Variants in RBFOX1 observed in about 807,000 individuals in gnomAD.
RBFOX1 encodes the protein RNA binding fox-1 homolog 1, also known as RNA binding protein fox-1 homolog 1.
A neutral mutation model predicts 57.7 loss-of-function variants in RBFOX1; 8 were observed. The ratio of observed to expected loss-of-function variants is 0.14; its 90% confidence interval spans 0.08 to 0.25. The LOEUF is 0.25. Among genes scored for constraint, RBFOX1 ranks in the 10% least tolerant of loss-of-function variants. The pLI is 1.00. For missense variants in RBFOX1, 611 were observed against 548.5 expected, an observed-to-expected ratio of 1.11 and a Z score of -1.14; for synonymous variants, 326 against 222.4, an observed-to-expected ratio of 1.47 and a Z score of -4.15.
chr16:6,624,143 A>G (rs188245550), intron 2 of RBFOX1, among the ~76,000 whole-genome samples: 67 of 152,336 alleles, frequency 4.4e-4, no homozygotes, highest in Non-Finnish European at 8.5e-4. Context: ...AAATATAAGT[A>G]TGCAAAGGAA....
In RBFOX1 at chr16:7,504,585, A is replaced by G. The variant is rs2072142775; in HGVS notation, c.28-13562A>G. ...AAAGGAAAGGACCTCATTGTTGCCG[A>G]AAGACTTAGATATGAGGTCTGGATT... On this transcript the variant is annotated intron_variant, in intron 4 of 15. Transcript: ENST00000550418. 2.7e-5 allele frequency among the ~76,000 whole-genome samples: 4 copies of G among 149,436 alleles called. No homozygotes were observed. In the South Asian group the frequency reaches 8.4e-4, roughly 31 times the overall value.
chr16:6,957,718 A>G (rs1027707801), intron 3 of RBFOX1, among the ~76,000 whole-genome samples: 5 of 152,182 alleles, frequency 3.3e-5, no homozygotes, highest in Admixed American at 1.3e-4. Flanking sequence ...TCTCAGCGTC[A>G]TTTTACCCAG....
At chr16:5,570,882 AGTTACTTGG>A (rs2046259691) in intron 2 of RBFOX1, among the ~76,000 whole-genome samples, 1 of 151,934 alleles carries the variant, frequency 6.6e-6, no homozygotes, top group Non-Finnish European at 1.5e-5. Context: ...ACACTTATTA[AGTTACTTGG>A]AGATCTTTAG....
chr16:7,336,555 G>A (rs2096791870), intron 4 of RBFOX1, among the ~76,000 whole-genome samples: 1 of 152,218 alleles, frequency 6.6e-6, no homozygotes, highest in Non-Finnish European at 1.5e-5. Flanking sequence ...GACAGTCATA[G>A]CCACTGAACT....
chr16:6,917,977 T>A (rs529123244), intron 3 of RBFOX1, among the ~76,000 whole-genome samples: 1 of 152,228 alleles, frequency 6.6e-6, no homozygotes, highest in Non-Finnish European at 1.5e-5. Context: ...GAGAGCCACT[T>A]ACGAATTTGT....
chr16:6,354,140 A>T (rs548004927), intron 2 of RBFOX1, among the ~76,000 whole-genome samples: 1 of 151,902 alleles, frequency 6.6e-6, no homozygotes, highest in East Asian at 1.9e-4. Flanking sequence ...GGATCGCTTG[A>T]ACTCAGGAGG....
chr16:6,555,495 C>T (rs563947800), intron 2 of RBFOX1, among the ~76,000 whole-genome samples: 3 of 152,054 alleles, frequency 2.0e-5, no homozygotes, highest in South Asian at 2.1e-4. Flanking sequence ...GTCAGGAGAT[C>T]GAGACCATCC....
At chr16:7,200,621 G>T (rs983616246) in intron 4 of RBFOX1, among the ~76,000 whole-genome samples, 1 of 152,126 alleles carries the variant, frequency 6.6e-6, no homozygotes, top group African/African-American at 2.4e-5. Context: ...ATCCCTTTAT[G>T]CCTTCTTTTA....
intron 3 of RBFOX1, among the ~76,000 whole-genome samples, chr16:6,728,235 C>A (rs1477089633): frequency 6.6e-6 from 1 of 152,208 alleles, no homozygotes; most frequent in Non-Finnish European, 1.5e-5. Context: ...TTCTGCAGGA[C>A]TGCTATATTG....
At chr16:7,534,212 G>C (rs1036069238) in intron 5 of RBFOX1, among the ~76,000 whole-genome samples, 1 of 150,376 alleles carries the variant, frequency 6.6e-6, no homozygotes, top group Non-Finnish European at 1.5e-5. Flanking sequence ...TCAGCCTCCT[G>C]AATAGCTGGG....
At chr16:7,482,085 A>G (rs1387930971) in intron 4 of RBFOX1, among the ~76,000 whole-genome samples, 2 of 152,244 alleles carry the variant, frequency 1.3e-5, no homozygotes, top group African/African-American at 4.8e-5. Flanking sequence ...ACACCTAGCA[A>G]GGGCTAGTGA....
intron 3 of RBFOX1, among the ~76,000 whole-genome samples, chr16:6,687,714 C>T (rs149969362): frequency 2.0e-3 from 306 of 152,158 alleles, no homozygotes; most frequent in African/African-American, 6.7e-3. Context: ...TTGCAGCGGC[C>T]GGGGAGGACA....
chr16:7,476,431 G>A (rs375351906), intron 4 of RBFOX1, among the ~76,000 whole-genome samples: 1 of 152,134 alleles, frequency 6.6e-6, no homozygotes, highest in Non-Finnish European at 1.5e-5. Flanking sequence ...TGCCTGACAC[G>A]TAAAGATCAC....
At chr16:6,528,615 C>T (rs1475913355) in intron 2 of RBFOX1, among the ~76,000 whole-genome samples, 1 of 152,184 alleles carries the variant, frequency 6.6e-6, no homozygotes, top group East Asian at 1.9e-4. Context: ...TTTAAAATGA[C>T]ATCTTCATTG....
intron 4 of RBFOX1, among the ~76,000 whole-genome samples, chr16:5,891,778 AG>A (rs2058049449): frequency 6.6e-6 from 1 of 152,192 alleles, no homozygotes; most frequent in African/African-American, 2.4e-5. Flanking sequence ...GGTAGAGCAC[AG>A]GGCTCGGACA....
At chr16:7,103,276 G>C (rs2063009409) in intron 4 of RBFOX1, among the ~76,000 whole-genome samples, 2 of 152,084 alleles carry the variant, frequency 1.3e-5, no homozygotes, top group South Asian at 4.1e-4. Context: ...ACTGTTTTGA[G>C]TTTATGACGT....
intron 3 of RBFOX1, among the ~76,000 whole-genome samples, chr16:5,793,611 C>A (rs749315716): frequency 2.0e-5 from 3 of 152,184 alleles, no homozygotes; most frequent in Admixed American, 6.5e-5. Context: ...ATCTTACCCA[C>A]TACTCAAGAG....
At chr16:6,547,923 G>A (rs1291753628) in intron 2 of RBFOX1, among the ~76,000 whole-genome samples, 2 of 152,148 alleles carry the variant, frequency 1.3e-5, no homozygotes, top group Non-Finnish European at 2.9e-5. Flanking sequence ...GACTGCAAGC[G>A]AGGCTGTGAA....
At chr16:7,709,194 A>AC in intron 15 of RBFOX1, 63 bp downstream of exon 15, 1 of 1,465,430 alleles carries the variant, frequency 6.8e-7, no homozygotes, top group Non-Finnish European at 9.5e-7. Flanking sequence ...CCCAGCTGGG[A>AC]CCTCAGTACG....
Sources: allele counts gnomAD v4.1 joint callset (sites outside exome capture counted in the v4.1 genomes callset), GRCh38; gene constraint gnomAD v4.1.1; transcripts MANE v1.5; gene names NCBI Gene and HGNC (gene_info 2026-07-23, HGNC 2026-07-21).